PLCG2: variants seen among roughly 807,000 people sequenced by gnomAD.
PLCG2 encodes 1-phosphatidylinositol 4,5-bisphosphate phosphodiesterase gamma-2.
PLCG2 carries 69 observed loss-of-function variants against 175.6 expected under a neutral mutation model. The observed-to-expected ratio is 0.39, with a 90% CI of 0.32 to 0.48. The LOEUF is 0.48. Ranked by LOEUF, PLCG2 falls within the 20% of genes least tolerant of loss-of-function variation. The pLI is 0.91. For synonymous variants in PLCG2, 827 were observed against 624.0 expected, an observed-to-expected ratio of 1.33 and a Z score of -4.85; for missense variants, 1,798 against 1,650.9, an observed-to-expected ratio of 1.09 and a Z score of -1.54.
intron 5 of PLCG2, 113 bp downstream of exon 5, chr16:81,859,276 T>G: frequency 1.4e-6 from 1 of 699,196 alleles, no homozygotes; most frequent in Non-Finnish European, 2.6e-6. Context: ...CCTCACTGCG[T>G]CCATTGTGAT....
At chr16:81,813,462 G>C (rs893599132) in intron 2 of PLCG2, among the ~76,000 whole-genome samples, 3 of 152,136 alleles carry the variant, frequency 2.0e-5, no homozygotes, top group Non-Finnish European at 4.4e-5. Flanking sequence ...TCATGATTTA[G>C]CTCTGTGTTT....
intron 15 of PLCG2, chr16:81,906,164 G>C (rs1909361125): frequency 6.6e-6 from 1 of 152,128 alleles, no homozygotes; most frequent in Non-Finnish European, 1.5e-5. Flanking sequence ...CTAGTTTATA[G>C]ATGGTATTTC....
intron 15 of PLCG2, 23 bp from the exon 16 acceptor site, chr16:81,907,662 C>CTAA (rs1567527001): frequency 6.3e-7 from 1 of 1,582,960 alleles, no homozygotes; most frequent in Non-Finnish European, 8.7e-7. Flanking sequence ...TTGGGGGGCA[C>CTAA]TAATACCAGT....
chr16:81,882,271 G>A (rs1908121028), intron 8 of PLCG2, among the ~76,000 whole-genome samples: 1 of 152,200 alleles, frequency 6.6e-6, no homozygotes, highest in Non-Finnish European at 1.5e-5. Flanking sequence ...GCTGGCCAAG[G>A]CGGGAGTCCT....
At chr16:81,916,578 C>T (rs1487927125) in intron 19 of PLCG2, among the ~76,000 whole-genome samples, 1 of 131,040 alleles carries the variant, frequency 7.6e-6, no homozygotes, top group Admixed American at 9.2e-5. Flanking sequence ...ACACACTTAA[C>T]CATTTTTTTT....
chr16:81,883,236 G>C (rs1482580094), intron 8 of PLCG2, 33 bp from the exon 9 acceptor site: 1 of 1,599,732 alleles, frequency 6.3e-7, no homozygotes, highest in Non-Finnish European at 8.6e-7. Flanking sequence ...GAATGTGTCT[G>C]TCTCTAACTG....
In PLCG2 at chr16:81,824,041, T is replaced by G. The variant is rs140875009; in HGVS notation, c.194-30403T>G. On this transcript the variant is annotated intron_variant, in intron 2 of 32. Transcript: ENST00000564138. ...TTCCTTTCCTTTCCTTTCCTTTCCT[T>G]TCCTTTCCTGTCCTGTCCTGTCCTG... is the stretch of plus-strand genomic sequence containing the variant. Among the ~76,000 whole-genome samples, 347 of 75,862 alleles carry G rather than the reference T, an allele frequency of 4.6e-3. 1 individual carries two copies. The highest frequency in any genetic ancestry group is 0.02 in the Middle Eastern group (4 of 196). The allele number at this position is 75,862 out of a possible 152,430, so 49.8% of individuals were successfully genotyped here.
At chr16:81,881,057 C>A in intron 8 of PLCG2, 104 bp downstream of exon 8, 1 of 1,188,022 alleles carries the variant, frequency 8.4e-7, no homozygotes, top group Non-Finnish European at 1.2e-6. Context: ...AGGCGCTGAC[C>A]TCCAAAGGGG....
chr16:81,892,055 C>A (rs964896495), intron 11 of PLCG2, among the ~76,000 whole-genome samples: 2 of 152,114 alleles, frequency 1.3e-5, no homozygotes, highest in Non-Finnish European at 1.5e-5. Context: ...GAAAGTTAAC[C>A]ACAGAATAGG....
intron 9 of PLCG2, among the ~76,000 whole-genome samples, chr16:81,885,709 C>T (rs1206816265): frequency 6.6e-6 from 1 of 152,136 alleles, no homozygotes; most frequent in African/African-American, 2.4e-5. Context: ...GATACCCAGC[C>T]TGCATTTGGA....
intron 2 of PLCG2, among the ~76,000 whole-genome samples, chr16:81,838,324 T>C (rs1319090270): frequency 6.6e-6 from 1 of 152,216 alleles, no homozygotes; most frequent in African/African-American, 2.4e-5. Context: ...TGGCCTCATG[T>C]GATCTGCCTG....
intron 1 of PLCG2, chr16:81,740,200 G>A (rs1308539080): frequency 6.6e-6 from 1 of 151,878 alleles, no homozygotes; most frequent in Non-Finnish European, 1.5e-5. Flanking sequence ...ACCAGTGTGT[G>A]GCAGGTACGC....
Position 81,786,153 on chromosome 16 carries a change from G to C in PLCG2, c.164G>C (p.Ser55Thr). ...ATGGAGACGCGGCAGGTGGCCTGGA[G>C]CAAGACCGCTGACAAGATCGAGGGC... ...VIMETRQVAW[S>T]KTADKIEGFL... The change falls in exon 2 of 33, where the codon AGC (serine) becomes ACC (threonine). Residue 55 changes from serine to threonine, a missense_variant. Transcript: ENST00000564138. 4 of 1,614,182 alleles carry C rather than the reference G, an allele frequency of 2.5e-6. No homozygotes were observed. Among genetic ancestry groups the C allele is most frequent in the Non-Finnish European group, 3.4e-6 (4 of 1,180,026 alleles).
intron 3 of PLCG2, among the ~76,000 whole-genome samples, chr16:81,857,511 C>G (rs774071158): frequency 1.3e-5 from 1 of 74,210 alleles, no homozygotes; most frequent in Admixed American, 1.3e-4. Flanking sequence ...ATGCCAAGAT[C>G]AAGATGCTGG....
upstream of PLCG2, among the ~76,000 whole-genome samples, chr16:81,775,430 A>G (rs1910377602): frequency 6.6e-6 from 1 of 152,168 alleles, no homozygotes; most frequent in African/African-American, 2.4e-5. Flanking sequence ...CCTTGTTTCC[A>G]AGTTCATGCT....
intron 22 of PLCG2, among the ~76,000 whole-genome samples, chr16:81,923,880 G>C (rs934023313): frequency 6.6e-6 from 1 of 152,220 alleles, no homozygotes; most frequent in Non-Finnish European, 1.5e-5. Context: ...GTGGCAAGCA[G>C]TCTGCTAATT....
intron 2 of PLCG2, among the ~76,000 whole-genome samples, chr16:81,825,442 C>T (rs765817569): frequency 6.6e-6 from 1 of 152,010 alleles, no homozygotes; most frequent in African/African-American, 2.4e-5. Flanking sequence ...GCATGGCATG[C>T]GCCAGCACAC....
chr16:81,848,088 C>G (rs1001029344), intron 2 of PLCG2, among the ~76,000 whole-genome samples: 3 of 152,198 alleles, frequency 2.0e-5, no homozygotes, highest in Non-Finnish European at 4.4e-5. Context: ...AAGACTTACT[C>G]TAACGTTCCA....
chr16:81,958,120 C>G lies in PLCG2; in HGVS notation c.*122C>G, dbSNP rs879370684. 4.1e-6 allele frequency: 3 copies of G among 723,170 alleles called. No homozygotes were observed. The highest frequency in any genetic ancestry group is 7.5e-6 in the Non-Finnish European group (3 of 399,070). The allele number at this position is 723,170 out of a possible 1,614,324, so 44.8% of individuals were successfully genotyped here. A position where few individuals can be genotyped will look rare whatever the true frequency, so the allele number is the denominator to read the frequency against. ...TGTGACATCTTTTCTTCAAGCCTGC[C>G]ATCAAGGACATTTCTTAAGACCCAA... On this transcript the variant is annotated 3_prime_UTR_variant, in exon 33 of 33. Transcript: ENST00000564138.
Sources: allele counts gnomAD v4.1 joint callset (sites outside exome capture counted in the v4.1 genomes callset), GRCh38; gene constraint gnomAD v4.1.1; transcripts MANE v1.5; gene names NCBI Gene and HGNC (gene_info 2026-07-23, HGNC 2026-07-21).